Variants in RAB6B observed in about 807,000 individuals in gnomAD.
RAB6B encodes RAB6B, member RAS oncogene family.
RAB6B carries 7 observed loss-of-function variants against 31.2 expected under a neutral mutation model. That is an observed-to-expected ratio of 0.22 (90% CI 0.13 to 0.42). The LOEUF (loss-of-function observed/expected upper bound fraction) is 0.42, where lower values mean the gene tolerates loss of function less well. Among genes scored for constraint, RAB6B ranks in the 10% least tolerant of loss-of-function variants. The pLI is 1.00. For synonymous variants in RAB6B, 105 were observed against 104.9 expected (o/e 1.00, Z -0.01); for missense variants, 149 against 280.6 (o/e 0.53, Z 3.35).
At chr3:133,869,173 G>A (rs898415203) in intron 1 of RAB6B, among the ~76,000 whole-genome samples, 3 of 152,232 alleles carry the variant, frequency 2.0e-5, no homozygotes, top group African/African-American at 7.2e-5. Flanking sequence ...GACAGGGAGA[G>A]AAAACACTCG....
At chr3:133,870,643 C>A (rs1936311099) in intron 1 of RAB6B, among the ~76,000 whole-genome samples, 1 of 152,180 alleles carries the variant, frequency 6.6e-6, no homozygotes, top group Non-Finnish European at 1.5e-5. Flanking sequence ...AAGGAACAGA[C>A]ACCAAGCAAT....
At chr3:133,866,276 A>T (rs1166404266) in intron 1 of RAB6B, among the ~76,000 whole-genome samples, 2 of 152,234 alleles carry the variant, frequency 1.3e-5, no homozygotes, top group Middle Eastern at 3.4e-3. Flanking sequence ...CATTTCACAC[A>T]ATGGGCAATT....
chr3:133,873,045 C>T (rs1007172287), intron 1 of RAB6B, among the ~76,000 whole-genome samples: 8 of 152,302 alleles, frequency 5.3e-5, no homozygotes, highest in East Asian at 3.9e-4. Context: ...CTGAGTGCCC[C>T]GTCTCACTAT....
chr3:133,885,704 A>G, intron 1 of RAB6B: 1 of 688,294 alleles, frequency 1.5e-6, no homozygotes, highest in Non-Finnish European at 2.6e-6. Flanking sequence ...TAAAGGGGCT[A>G]GCTTTGGTCC....
chr3:133,869,047 C>T (rs1233973959), intron 1 of RAB6B, among the ~76,000 whole-genome samples: 3 of 151,892 alleles, frequency 2.0e-5, no homozygotes, highest in Non-Finnish European at 4.4e-5. Flanking sequence ...TGCAGGTGGC[C>T]GGGCAGTCAG....
chr3:133,842,635 T>C (rs932373838), intron 2 of RAB6B, among the ~76,000 whole-genome samples: 1 of 152,042 alleles, frequency 6.6e-6, no homozygotes, highest in African/African-American at 2.4e-5. Flanking sequence ...AAAAAACAAA[T>C]AAACAAAAAA....
intron 2 of RAB6B, among the ~76,000 whole-genome samples, chr3:133,860,994 G>A (rs1215585329): frequency 2.6e-5 from 4 of 152,204 alleles, no homozygotes; most frequent in Admixed American, 6.5e-5. Flanking sequence ...ATGAGAGACC[G>A]GAGAAGAGTG....
intron 1 of RAB6B, among the ~76,000 whole-genome samples, chr3:133,875,896 C>T (rs73217257): frequency 2.0e-5 from 3 of 152,284 alleles, no homozygotes; most frequent in Non-Finnish European, 4.4e-5. Flanking sequence ...AGAGGAGAAC[C>T]GAACGCACTC....
chr3:133,846,135 T>G (rs1372609015), intron 2 of RAB6B, among the ~76,000 whole-genome samples: 1 of 152,048 alleles, frequency 6.6e-6, no homozygotes, highest in Non-Finnish European at 1.5e-5. Context: ...TAGGACAATA[T>G]CAAGTGAGCT....
At chr3:133,869,034 G>C (rs776165219) in intron 1 of RAB6B, among the ~76,000 whole-genome samples, 13 of 152,194 alleles carry the variant, frequency 8.5e-5, no homozygotes, top group Non-Finnish European at 1.3e-4. Context: ...CCAAAGGCAG[G>C]GGTGCAGGTG....
intron 2 of RAB6B, among the ~76,000 whole-genome samples, chr3:133,843,438 A>G (rs766326620): frequency 4.6e-5 from 7 of 152,172 alleles, no homozygotes; most frequent in Non-Finnish European, 1.0e-4. Flanking sequence ...TAGATTGACA[A>G]TCCTTGTCTT....
chr3:133,893,397 A>G (rs1254874376), intron 1 of RAB6B, among the ~76,000 whole-genome samples: 1 of 152,084 alleles, frequency 6.6e-6, no homozygotes, highest in African/African-American at 2.4e-5. Context: ...ATTTGAACAT[A>G]TGGGAGAGGT....
intron 2 of RAB6B, among the ~76,000 whole-genome samples, chr3:133,859,063 T>C (rs192154783): frequency 2.0e-5 from 3 of 152,280 alleles, no homozygotes; most frequent in African/African-American, 7.2e-5. Flanking sequence ...ACTGCAGCCT[T>C]GACCTCACAG....
Position 133,827,591 on chromosome 3 carries a change from T to C in RAB6B, c.*1197A>G, listed in dbSNP as rs183770585. On this transcript the variant is annotated 3_prime_UTR_variant, in exon 8 of 8. Transcript: ENST00000285208. The stretch of plus-strand genomic sequence containing the variant: ...TCAGGTGACCACAGCGCAGCCACAG[T>C]AGCCACAAAGATATGTCCACAAAGA... 2,280 of 356,436 alleles carry C rather than the reference T, an allele frequency of 6.4e-3. 12 individuals carry two copies. Among genetic ancestry groups the C allele is most frequent in the Non-Finnish European group, 9.0e-3 (1,745 of 194,898 alleles). 22.1% of individuals were successfully genotyped at this position (356,436 alleles called of 1,614,324 possible).
intron 7 of RAB6B, among the ~76,000 whole-genome samples, chr3:133,830,735 G>A (rs148007809): frequency 2.6e-4 from 40 of 152,282 alleles, no homozygotes; most frequent in Non-Finnish European, 4.6e-4. Flanking sequence ...AGGCTATCTT[G>A]ACCCCAGCCT....
At chr3:133,829,270 G>A (rs570299180) in intron 7 of RAB6B, among the ~76,000 whole-genome samples, 13 of 152,182 alleles carry the variant, frequency 8.5e-5, no homozygotes, top group African/African-American at 3.1e-4. Flanking sequence ...GGGTATGTGG[G>A]CCTTGCCTAA....
intron 1 of RAB6B, among the ~76,000 whole-genome samples, chr3:133,887,258 A>C (rs969685015): frequency 6.6e-6 from 1 of 152,208 alleles, no homozygotes; most frequent in Non-Finnish European, 1.5e-5. Context: ...GAAGTGCAGG[A>C]TAGCCCCATC....
At chr3:133,893,860 GTATGGTCAGCTC>G (rs1228093973) in intron 1 of RAB6B, among the ~76,000 whole-genome samples, 2 of 152,084 alleles carry the variant, frequency 1.3e-5, no homozygotes, top group Non-Finnish European at 2.9e-5. Context: ...CAGACACAGG[GTATGGTCAGCTC>G]TATGAAACTG....
chr3:133,886,229 T>C (rs2108015160), intron 1 of RAB6B, among the ~76,000 whole-genome samples: 1 of 152,344 alleles, frequency 6.6e-6, no homozygotes, highest in Admixed American at 6.5e-5. Flanking sequence ...TCCTGCTCAC[T>C]ATGCAAAACC....
Sources: gnomAD v4.1 joint callset for allele counts (sites outside exome capture counted in the v4.1 genomes callset) on GRCh38, gnomAD v4.1.1 for gene constraint, MANE v1.5 for transcripts, NCBI Gene and HGNC (gene_info 2026-07-23, HGNC 2026-07-21) for gene names.